Variants in CHIT1 observed in about 807,000 individuals in gnomAD.
CHIT1 encodes the protein chitinase 1.
Under a neutral mutation model 52.0 loss-of-function variants are expected in CHIT1, and 47 were observed. The observed-to-expected ratio is 0.90, with a 90% CI of 0.71 to 1.15. The LOEUF (loss-of-function observed/expected upper bound fraction) is 1.15, where lower values mean the gene tolerates loss of function less well. Among genes scored for constraint, CHIT1 ranks in the 50% most tolerant of loss-of-function variants. CHIT1 has a pLI of 0.00. For synonymous variants in CHIT1, 242 were observed against 228.2 expected, an observed-to-expected ratio of 1.06 and a Z score of -0.54; for missense variants, 569 against 583.0, an observed-to-expected ratio of 0.98 and a Z score of 0.25.
At chr1:203,218,619 A>C (rs1005207794) in intron 9 of CHIT1, among the ~76,000 whole-genome samples, 1 of 152,096 alleles carries the variant, frequency 6.6e-6, no homozygotes, top group African/African-American at 2.4e-5. Flanking sequence ...TCTATGCTTT[A>C]GGACTTATCT....
intron 4 of CHIT1, among the ~76,000 whole-genome samples, chr1:203,223,894 G>A (rs1048472743): frequency 2.0e-5 from 3 of 152,088 alleles, no homozygotes; most frequent in Non-Finnish European, 2.9e-5. Flanking sequence ...ACATCACCAG[G>A]GGCACATGGA....
intron 2 of CHIT1, among the ~76,000 whole-genome samples, chr1:203,227,179 A>G (rs1053793058): frequency 3.3e-5 from 5 of 152,110 alleles, no homozygotes; most frequent in Non-Finnish European, 7.4e-5. Flanking sequence ...AGAACCCGAG[A>G]GCATGGAGGG....
At chr1:203,229,761 G>T, upstream of CHIT1, 225 of 997,838 alleles carry the variant, frequency 2.3e-4, no homozygotes, top group Non-Finnish European at 2.5e-4. Flanking sequence ...GGGTGGGGGG[G>T]ATGGGAGCAG....
At chr1:203,224,941 T>G (rs946263293) in intron 4 of CHIT1, 107 bp downstream of exon 4, 14 of 1,049,796 alleles carry the variant, frequency 1.3e-5, no homozygotes, top group Non-Finnish European at 4.4e-6. Flanking sequence ...CCCTTTCCCC[T>G]GACCACACCT....
intron 2 of CHIT1, among the ~76,000 whole-genome samples, chr1:203,227,113 G>A (rs1284059185): frequency 6.6e-6 from 1 of 152,194 alleles, no homozygotes. Context: ...AAGAGGAGGG[G>A]TGCAAAGTGT....
At position 203,217,003 on chromosome 1, in the gene CHIT1, G is replaced by A. The variant is rs755042583; in HGVS notation, c.1287C>T (p.Pro429=). 1 of 1,614,210 alleles carries A rather than the reference G, an allele frequency of 6.2e-7. No homozygotes were observed. Among genetic ancestry groups the A allele is most frequent in the Non-Finnish European group, 8.5e-7 (1 of 1,180,032 alleles). The change falls in exon 11 of 11, where the codon CCC becomes CCT. Residue 429 remains proline (P), a synonymous_variant. Coordinates refer to ENST00000367229, the MANE Select transcript of CHIT1 (RefSeq NM_003465.3). ...FCQGKADGLY[P]NPRERSSFYS... ...AGAAGCTGGACCGTTCCCGAGGATT[G>A]GGATAGAGCCCATCAGCTTTGCCCT...
intron 8 of CHIT1, 118 bp downstream of exon 8, chr1:203,219,546 T>C: frequency 5.5e-6 from 7 of 1,266,592 alleles, no homozygotes; most frequent in Non-Finnish European, 8.1e-6. Flanking sequence ...GGAATTTACA[T>C]GGCCAGAATT....
In CHIT1 at chr1:203,219,213, C is replaced by T. The variant is rs1230126617; in HGVS notation, c.1029+3G>A. On this transcript the variant is annotated splice_donor_region_variant and intron_variant, in intron 9 of 10. Coordinates refer to ENST00000367229, the MANE Select transcript of CHIT1 (RefSeq NM_003465.3). ...CCCCTCTGCCAGCAGAGCTGGGCCTCACCTTGGTTTTGAAGCTCTCCACAT... is the reference window on the plus strand; with the variant it reads ...CCCCTCTGCCAGCAGAGCTGGGCCTTACCTTGGTTTTGAAGCTCTCCACAT... 2 of 1,533,466 alleles carry T rather than the reference C, an allele frequency of 1.3e-6. No homozygotes were observed. The highest frequency in any genetic ancestry group is 2.7e-5 in the African/African-American group (2 of 73,530). The allele number at this position is 1,533,466 out of a possible 1,614,324, so 95.0% of individuals were successfully genotyped here. A position where few individuals can be genotyped will look rare whatever the true frequency, so the allele number is the denominator to read the frequency against.
In CHIT1 at chr1:203,222,194, A is replaced by G. The variant is rs1261264686; in HGVS notation, c.729+8T>C. The G allele has an allele frequency of 1.2e-6, 2 of 1,613,768 alleles. No homozygotes were observed. Among genetic ancestry groups the G allele is most frequent in the Non-Finnish European group, 1.7e-6 (2 of 1,179,982 alleles). On this transcript the variant is annotated splice_region_variant and intron_variant, in intron 7 of 10. Coordinates refer to ENST00000367229, the MANE Select transcript of CHIT1 (RefSeq NM_003465.3). ...GGAGTCCTGCCTCAGCCCTCCTGCC[A>G]CACGTACCACGTTGAGGCTGGCTGC...
At chr1:203,220,458 A>T (rs1236356232) in intron 7 of CHIT1, among the ~76,000 whole-genome samples, 1 of 152,194 alleles carries the variant, frequency 6.6e-6, no homozygotes, top group Non-Finnish European at 1.5e-5. Flanking sequence ...GCTCAGATAG[A>T]ACAAAGGCTT....
Position 203,216,697 on chromosome 1 carries a change from G to A in CHIT1, c.*192C>T. ...GGGGCACAAACCAAAGATTTATTTT[G>A]CAAGTGAAAGGGGCAGCCCAGGAGA... On this transcript the variant is annotated 3_prime_UTR_variant, in exon 11 of 11. Coordinates refer to ENST00000367229, the MANE Select transcript of CHIT1 (RefSeq NM_003465.3). 1 of 729,556 alleles carries A rather than the reference G, an allele frequency of 1.4e-6. No individual in the cohort carries two copies. Among genetic ancestry groups the A allele is most frequent in the Non-Finnish European group, 2.4e-6 (1 of 416,334 alleles). 45.2% of individuals were successfully genotyped at this position (729,556 alleles called of 1,614,324 possible).
chr1:203,229,756 G>A (rs777499628), upstream of CHIT1: 8 of 1,192,828 alleles, frequency 6.7e-6, no homozygotes, highest in Non-Finnish European at 8.6e-6. Flanking sequence ...GCACTGGGTG[G>A]GGGGGATGGG....
intron 3 of CHIT1, 126 bp downstream of exon 3, chr1:203,225,543 A>C (rs1283375870): frequency 1.1e-6 from 1 of 941,036 alleles, no homozygotes; most frequent in African/African-American, 1.6e-5. Context: ...AGGTGATACA[A>C]CTTGCCCAAA....
At chr1:203,222,099 C>A in intron 7 of CHIT1, 103 bp downstream of exon 7, 1 of 1,508,024 alleles carries the variant, frequency 6.6e-7, no homozygotes, top group East Asian at 2.3e-5. Flanking sequence ...TTTCTCAGTG[C>A]CCTGTGTCTT....
chr1:203,224,996 ACCAGGTTC>A, intron 4 of CHIT1, 44 bp downstream of exon 4: 5 of 1,539,998 alleles, frequency 3.2e-6, no homozygotes, highest in Non-Finnish European at 4.5e-6. Context: ...TGGCCAGTGC[ACCAGGTTC>A]CCATCCAGGA....
In CHIT1 at chr1:203,227,311, C is replaced by T. The variant is rs141323781; in HGVS notation, c.55+1222G>A. Among the ~76,000 whole-genome samples the T allele has an allele frequency of 8.8e-4, 134 of 152,190 alleles. 2 individuals are homozygous for T. The highest frequency in any genetic ancestry group is 3.1e-3 in the African/African-American group (128 of 41,504). The stretch of plus-strand genomic sequence containing the variant: ...GCAATGATACAGGAGAATTGGTGAA[C>T]TCCCCAAAGGAAAAGAAAGGAAGGA... On this transcript the variant is annotated intron_variant, in intron 2 of 10. Transcript: ENST00000367229.
chr1:203,224,861 C>T (rs969105060), intron 4 of CHIT1, among the ~76,000 whole-genome samples, 187 bp downstream of exon 4: 1 of 152,176 alleles, frequency 6.6e-6, no homozygotes, highest in Admixed American at 6.5e-5. Flanking sequence ...GCAAAGCTCA[C>T]TGTGCTGCCC....
In CHIT1 at chr1:203,217,754, G is replaced by A; in HGVS notation, c.1141C>T (p.Leu381=). Residue 381 remains leucine (L), a synonymous_variant, in exon 10 of 11, where the codon CTA becomes TTA. Coordinates refer to ENST00000367229, the MANE Select transcript of CHIT1 (RefSeq NM_003465.3). ...CCTTACTTACTCAGTTCCTGCCGTA[G>A]CGTCTGGATGAGGGGGTATCGGCCC... ...NQGRYPLIQT[L]RQELSLPYLP... is the part of the protein sequence containing the mutation. 1 of 1,613,778 alleles carries A rather than the reference G, an allele frequency of 6.2e-7. No individual in the cohort carries two copies. The highest frequency in any genetic ancestry group is 8.5e-7 in the Non-Finnish European group (1 of 1,179,800).
At chr1:203,228,430 C>G (rs1451621110) in intron 2 of CHIT1, 103 bp downstream of exon 2, 8 of 1,261,334 alleles carry the variant, frequency 6.3e-6, no homozygotes, top group African/African-American at 4.5e-5. Flanking sequence ...AGAGTCCCCA[C>G]TGAAATCTGG....
Sources: allele counts gnomAD v4.1 joint callset (sites outside exome capture counted in the v4.1 genomes callset), GRCh38; gene constraint gnomAD v4.1.1; transcripts MANE v1.5; gene names NCBI Gene and HGNC (gene_info 2026-07-23, HGNC 2026-07-21).